RELL1: variants seen among roughly 807,000 people sequenced by gnomAD.
The protein encoded by RELL1 is RELT-like protein 1.
In RELL1, 10 loss-of-function variants were observed where a neutral mutation model predicts 23.0. The observed-to-expected ratio is 0.43, with a 90% CI of 0.27 to 0.74. RELL1 has a LOEUF of 0.74. Among genes scored for constraint, RELL1 ranks in the 30% least tolerant of loss-of-function variants. The pLI is 0.19. For synonymous variants in RELL1, 146 were observed against 146.8 expected, an observed-to-expected ratio of 0.99 and a Z score of 0.04; for missense variants, 315 against 364.4, an observed-to-expected ratio of 0.86 and a Z score of 1.10.
chr4:37,588,807 A>G (rs1261344064), downstream of RELL1: 3 of 1,394,446 alleles, frequency 2.2e-6, no homozygotes, highest in Non-Finnish European at 3.1e-6. Context: ...CTAATATATC[A>G]CTCACTGTGT....
intron 6 of RELL1, among the ~76,000 whole-genome samples, chr4:37,628,001 T>C (rs1361050118): frequency 2.0e-5 from 3 of 152,134 alleles, no homozygotes; most frequent in Non-Finnish European, 4.4e-5. Context: ...GAAAATCAAG[T>C]CATGTTAAAT....
intron 6 of RELL1, among the ~76,000 whole-genome samples, chr4:37,619,036 C>A (rs1457663646): frequency 2.0e-5 from 3 of 151,936 alleles, no homozygotes; most frequent in Non-Finnish European, 4.4e-5. Flanking sequence ...TGCGCCACCA[C>A]CCCCAGCTAT....
At chr4:37,667,165 T>C (rs901021372) in intron 1 of RELL1, among the ~76,000 whole-genome samples, 2 of 151,994 alleles carry the variant, frequency 1.3e-5, no homozygotes, top group African/African-American at 4.8e-5. Context: ...TGAATGTCAC[T>C]AGCATGAAAC....
intron 6 of RELL1, among the ~76,000 whole-genome samples, chr4:37,593,220 T>C (rs1038887535): frequency 1.3e-5 from 2 of 152,240 alleles, no homozygotes; most frequent in Non-Finnish European, 1.5e-5. Flanking sequence ...GAGATTATGT[T>C]CAGTTGTATG....
At position 37,656,115 on chromosome 4, in the gene RELL1, C is replaced by T. The variant is rs191749831; in HGVS notation, c.89-6615G>A. Among the ~76,000 whole-genome samples, 25 of 152,076 alleles carry T rather than the reference C, an allele frequency of 1.6e-4. No homozygotes were observed. In the East Asian group the frequency reaches 4.2e-3, roughly 26 times the overall value. ...ATGTGGAAGCCACCAAAATTCCCAT[C>T]GATAGACAAAGGGATAAAGAAATCG... is the stretch of plus-strand genomic sequence containing the variant. On this transcript the variant is annotated intron_variant, in intron 1 of 6. Transcript: ENST00000454158.
downstream of RELL1, chr4:37,590,549 C>A: frequency 6.2e-7 from 1 of 1,614,162 alleles, no homozygotes; most frequent in East Asian, 2.2e-5. Flanking sequence ...GACTCCAGAG[C>A]TCCTTCTGAG....
At position 37,649,381 on chromosome 4, in the gene RELL1, T is replaced by A; in HGVS notation, c.208A>T (p.Met70Leu). ...CAAATGAGGACGCCAAAGAGACCCATGATAAAGAACACAGGGACAAGCGCG... is the reference window on the plus strand; with the variant it reads ...CAAATGAGGACGCCAAAGAGACCCAAGATAAAGAACACAGGGACAAGCGCG... Reference protein sequence around the residue: ...AYALVPVFFIMGLFGVLICHL... With the variant: ...AYALVPVFFILGLFGVLICHL... The change falls in exon 2 of 7, where the codon ATG becomes TTG. Residue 70 changes from methionine (M) to leucine (L), a missense_variant. By Grantham distance (15) the Met-to-Leu change is conservative. Transcript: ENST00000454158. 6.2e-7 allele frequency: 1 copy of A among 1,614,216 alleles called. No individual in the cohort carries two copies. Among genetic ancestry groups the A allele is most frequent in the South Asian group, 1.1e-5 (1 of 91,086 alleles).
chr4:37,596,852 G>A (rs1293987158), intron 6 of RELL1, among the ~76,000 whole-genome samples: 3 of 144,006 alleles, frequency 2.1e-5, no homozygotes, highest in South Asian at 2.3e-4. Flanking sequence ...GGGTTCAAGC[G>A]ATTCTCCTGC....
chr4:37,633,035 T>C (rs1244917482), intron 5 of RELL1, among the ~76,000 whole-genome samples: 1 of 152,172 alleles, frequency 6.6e-6, no homozygotes, highest in African/African-American at 2.4e-5. Context: ...AAGTAATACA[T>C]GCTGAAAAAC....
At chr4:37,646,222 T>C (rs6812910) in intron 3 of RELL1, among the ~76,000 whole-genome samples, 48,107 of 152,156 alleles carry the variant, frequency 0.32, 7,788 homozygotes, top group Non-Finnish European at 0.37. Context: ...TGGTGTGCTA[T>C]GGAGGGAATA....
intron 1 of RELL1, among the ~76,000 whole-genome samples, chr4:37,663,095 C>T (rs17605579): frequency 0.14 from 20,795 of 152,014 alleles, 2,865 homozygotes; most frequent in African/African-American, 0.35. Context: ...CAGAGAGGGG[C>T]GTGAGGAAAA....
chr4:37,609,311 T>C (rs1227667663), downstream of RELL1, among the ~76,000 whole-genome samples: 6 of 152,276 alleles, frequency 3.9e-5, no homozygotes, highest in African/African-American at 1.2e-4. Context: ...TTACTGAACA[T>C]TTAAAGCCCA....
chr4:37,652,632 G>C (rs1467246375), intron 1 of RELL1, among the ~76,000 whole-genome samples: 1 of 152,162 alleles, frequency 6.6e-6, no homozygotes, highest in Middle Eastern at 3.2e-3. Context: ...AAAGAGGGAT[G>C]AAAGAGGGGC....
intron 3 of RELL1, among the ~76,000 whole-genome samples, chr4:37,644,421 G>A (rs1720629475): frequency 7.0e-6 from 1 of 142,800 alleles, no homozygotes; most frequent in Admixed American, 7.0e-5. Context: ...TACGTCATCT[G>A]GTACTTTTAT....
chr4:37,643,709 C>A (rs551585707), intron 3 of RELL1, among the ~76,000 whole-genome samples: 14 of 152,228 alleles, frequency 9.2e-5, no homozygotes, highest in African/African-American at 3.4e-4. Context: ...ATCATTGAGA[C>A]AAAAATATTT....
intron 1 of RELL1, among the ~76,000 whole-genome samples, chr4:37,684,089 T>A (rs1008216311): frequency 6.6e-6 from 1 of 151,776 alleles, no homozygotes; most frequent in Non-Finnish European, 1.5e-5. Context: ...AAGAAAAAAA[T>A]AAATAAAAAT....
intron 6 of RELL1, among the ~76,000 whole-genome samples, chr4:37,621,452 T>A (rs1008631144): frequency 6.6e-6 from 1 of 151,192 alleles, no homozygotes; most frequent in Non-Finnish European, 1.5e-5. Flanking sequence ...CAAGACTCCA[T>A]CTCAAAAAAT....
chr4:37,633,787 T>A (rs144043135), intron 5 of RELL1, among the ~76,000 whole-genome samples: 1 of 152,280 alleles, frequency 6.6e-6, no homozygotes, highest in African/African-American at 2.4e-5. Flanking sequence ...AGCAACTCTA[T>A]GAGGTGAGTG....
chr4:37,649,235 CTG>C (rs1297981252), intron 2 of RELL1, 39 bp downstream of exon 2: 15 of 1,491,424 alleles, frequency 1.0e-5, no homozygotes, highest in Non-Finnish European at 1.4e-5. Flanking sequence ...TATTTAAAAA[CTG>C]TCTCCTCACC....
Sources: gnomAD v4.1 joint callset for allele counts (sites outside exome capture counted in the v4.1 genomes callset) on GRCh38, gnomAD v4.1.1 for gene constraint, MANE v1.5 for transcripts, NCBI Gene and HGNC (gene_info 2026-07-23, HGNC 2026-07-21) for gene names.